ASPSCR1: variants seen among roughly 807,000 people sequenced by gnomAD.
ASPSCR1 encodes the protein tether containing UBX domain for GLUT4.
A neutral mutation model predicts 68.9 loss-of-function variants in ASPSCR1; 55 were observed. That is an observed-to-expected ratio of 0.80 (90% CI 0.64 to 1.00). The LOEUF is 1.00. Among genes scored for constraint, ASPSCR1 ranks in the 50% least tolerant of loss-of-function variants. ASPSCR1 has a pLI of 0.00. For synonymous variants in ASPSCR1, 352 were observed against 332.6 expected (o/e 1.06, Z -0.63); for missense variants, 765 against 762.2 (o/e 1.00, Z -0.04).
chr17:81,995,260 C>T (rs1433775513), intron 5 of ASPSCR1: 5 of 348,964 alleles, frequency 1.4e-5, no homozygotes, highest in South Asian at 9.4e-5. Flanking sequence ...TTTGTTTCCA[C>T]GCTGGCTGAG....
At chr17:82,013,506 G>C (rs2043021720) in intron 12 of ASPSCR1, 1 of 152,164 alleles carries the variant, frequency 6.6e-6, no homozygotes, top group Admixed American at 6.5e-5. Flanking sequence ...TGCCGTCAGA[G>C]AGCTGGCGGG....
chr17:82,013,670 G>C (rs879814474), intron 12 of ASPSCR1: 1 of 152,416 alleles, frequency 6.6e-6, no homozygotes, highest in Non-Finnish European at 1.5e-5. Flanking sequence ...GACAGCGTGC[G>C]TGGGTGTGGG....
rs1428348838 is a variant in ASPSCR1, at chr17:81,979,187, C to T, written c.106C>T (p.Leu36=). The change falls in exon 2 of 16, where the codon CTG becomes TTG. Residue 36 remains leucine (L), a synonymous_variant. Transcript: ENST00000306739. ...CATCCTTTCATCTCACCCCCAGGTTCTGGAGGACACGTGCCGGCGGCAGGA... is the reference window on the plus strand; with the variant it reads ...CATCCTTTCATCTCACCCCCAGGTTTTGGAGGACACGTGCCGGCGGCAGGA... ...VTPSTVLLQV[L]EDTCRRQDFN... The T allele has an allele frequency of 2.5e-6, 4 of 1,614,128 alleles. No homozygotes were observed. In the Admixed American group the frequency reaches 6.7e-5, roughly 27 times the overall value.
rs560077755 is a variant in ASPSCR1, at chr17:81,999,519, C to G, written c.933+2673C>G. Among the ~76,000 whole-genome samples, 2 of 151,372 alleles carry G rather than the reference C, an allele frequency of 1.3e-5. No homozygotes were observed. The highest frequency in any genetic ancestry group is 4.9e-5 in the African/African-American group (2 of 41,128). On this transcript the variant is annotated intron_variant, in intron 7 of 15. Coordinates refer to ENST00000306739, the MANE Select transcript of ASPSCR1 (RefSeq NM_024083.4). The surrounding 1 kb of genome is among the most constrained non-coding windows in gnomAD (Gnocchi z 4.4). The stretch of plus-strand genomic sequence containing the variant: ...GCAGGTGCCTGTAATCCCAGCTACT[C>G]GGGAGACTGAGGCAGGAGAATCTCT...
At chr17:81,995,248 C>A in intron 5 of ASPSCR1, 3 of 380,426 alleles carry the variant, frequency 7.9e-6, no homozygotes, top group African/African-American at 2.1e-5. Flanking sequence ...TCACAGGGGC[C>A]TTTTGTTTCC....
chr17:81,981,888 A>T (rs2041806533), intron 2 of ASPSCR1, among the ~76,000 whole-genome samples: 1 of 152,024 alleles, frequency 6.6e-6, no homozygotes, highest in Non-Finnish European at 1.5e-5. Flanking sequence ...CTGGTCTCAA[A>T]CTCCTGACCT....
rs1282375381 is a variant in ASPSCR1, at chr17:81,991,804, T to G, written c.375-3017T>G. On this transcript the variant is annotated intron_variant, in intron 4 of 15. Transcript: ENST00000306739. ...CTTCTGTTCCCGGCAGGGCGCATGCTGCTGCCTGGGCTCTCGTCAGCACCT... is the reference window on the plus strand; with the variant it reads ...CTTCTGTTCCCGGCAGGGCGCATGCGGCTGCCTGGGCTCTCGTCAGCACCT... 2.0e-5 allele frequency among the ~76,000 whole-genome samples: 3 copies of G among 152,266 alleles called. No individual in the cohort carries two copies. The East Asian group carries it at 5.8e-4, about 29-fold the overall frequency.
chr17:82,016,650 G>C lies in ASPSCR1; in HGVS notation c.1405+123G>C, dbSNP rs1456818036. ...TTTGGGTCTGAGAGGGAGATCTGCG[G>C]CCCCCAGTAACCACCTCCCCGAGAG... On this transcript the variant is annotated intron_variant, in intron 13 of 15. Transcript: ENST00000306739. The C allele has an allele frequency of 1.0e-5, 15 of 1,453,608 alleles. No homozygotes were observed. In the Admixed American group the frequency reaches 1.6e-4, roughly 15 times the overall value. The allele number at this position is 1,453,608 out of a possible 1,614,324, so 90.0% of individuals were successfully genotyped here.
intron 6 of ASPSCR1, 56 bp from the exon 7 acceptor site, chr17:81,996,364 G>A (rs2042338663): frequency 2.0e-6 from 3 of 1,528,160 alleles, no homozygotes; most frequent in Non-Finnish European, 2.6e-6. Flanking sequence ...GCCGGGAGAG[G>A]GTGAGCCGGG....
intron 4 of ASPSCR1, among the ~76,000 whole-genome samples, chr17:81,994,325 C>G (rs1248351955): frequency 6.6e-6 from 1 of 152,232 alleles, no homozygotes; most frequent in Non-Finnish European, 1.5e-5. Context: ...TCCCTCCATG[C>G]TTCGGTGACA....
rs183613928 is a variant in ASPSCR1, at chr17:81,992,972, G to A, written c.375-1849G>A. 2.5e-3 allele frequency among the ~76,000 whole-genome samples: 374 copies of A among 152,346 alleles called. 1 individual carries two copies. The highest frequency in any genetic ancestry group is 8.6e-3 in the African/African-American group (358 of 41,570). ...GGGGCTAAGTCCACGACCCTGTGGG[G>A]CCTCTGCAGCCAGACCAGGCTGTCA... On this transcript the variant is annotated intron_variant, in intron 4 of 15. Transcript: ENST00000306739.
intron 9 of ASPSCR1, among the ~76,000 whole-genome samples, chr17:82,010,444 G>A (rs2144091310): frequency 6.6e-6 from 1 of 151,442 alleles, no homozygotes; most frequent in East Asian, 2.0e-4. Flanking sequence ...CAGGAGAAAG[G>A]CGTGAACCCG....
intron 7 of ASPSCR1, chr17:82,004,307 G>C (rs1440597127): frequency 6.6e-6 from 1 of 151,246 alleles, no homozygotes; most frequent in African/African-American, 2.4e-5. Context: ...CCTTAGTCCT[G>C]CCCGTCCTTT....
intron 3 of ASPSCR1, among the ~76,000 whole-genome samples, chr17:81,985,144 C>G (rs138448677): frequency 6.7e-6 from 1 of 148,648 alleles, no homozygotes; most frequent in Non-Finnish European, 1.5e-5. Flanking sequence ...ACACGCACAT[C>G]TGCACGCACA....
In ASPSCR1 at chr17:81,996,235, C is replaced by A. The variant is rs536732020; in HGVS notation, c.506+170C>A. On this transcript the variant is annotated intron_variant, in intron 6 of 15. Coordinates refer to ENST00000306739, the MANE Select transcript of ASPSCR1 (RefSeq NM_024083.4). ...CCTGTGGGCGTGGGGGCTGGGCTGC[C>A]CCGACCTCATCTCTGTGTCCCCCAG... is the stretch of plus-strand genomic sequence containing the variant. Among the ~76,000 whole-genome samples the A allele has an allele frequency of 1.5e-4, 23 of 152,248 alleles. No homozygotes were observed. In the South Asian group the frequency reaches 4.6e-3, roughly 30 times the overall value.
At chr17:81,982,244 C>T (rs2041818985) in intron 2 of ASPSCR1, among the ~76,000 whole-genome samples, 1 of 152,258 alleles carries the variant, frequency 6.6e-6, no homozygotes, top group South Asian at 2.1e-4. Flanking sequence ...GCTGGGATTA[C>T]AGGCATGAGC....
intron 4 of ASPSCR1, among the ~76,000 whole-genome samples, chr17:81,988,981 A>T (rs1471016188): frequency 1.3e-5 from 2 of 151,796 alleles, no homozygotes; most frequent in Non-Finnish European, 2.9e-5. Context: ...GCTGAGGCAG[A>T]TGGATCACCT....
chr17:81,994,705 G>A, intron 4 of ASPSCR1, 116 bp from the exon 5 acceptor site: 2 of 1,062,726 alleles, frequency 1.9e-6, no homozygotes, highest in Admixed American at 1.8e-5. Flanking sequence ...GCTGTCCTGG[G>A]TGGGTGCTGG....
chr17:82,012,379 A>C lies in ASPSCR1; in HGVS notation c.1353+96A>C, dbSNP rs1430504248. The C allele has an allele frequency of 2.1e-6, 3 of 1,419,058 alleles. No homozygotes were observed. In the East Asian group the frequency reaches 6.8e-5, roughly 32 times the overall value. 87.9% of individuals were successfully genotyped at this position (1,419,058 alleles called of 1,614,324 possible). On this transcript the variant is annotated intron_variant, in intron 12 of 15. Transcript: ENST00000306739. Reference sequence around the variant, plus strand: ...CTCGGGCAGGAAGGAGGGGCCTGGCAGGCGCTGGGGCAGGATAATAAAGCC... The same window carrying C: ...CTCGGGCAGGAAGGAGGGGCCTGGCCGGCGCTGGGGCAGGATAATAAAGCC...
Sources: gnomAD v4.1 joint callset for allele counts (sites outside exome capture counted in the v4.1 genomes callset) on GRCh38, gnomAD v4.1.1 for gene constraint, Gnocchi (gnomAD v3.1) non-coding constraint, MANE v1.5 for transcripts, NCBI Gene and HGNC (gene_info 2026-07-23, HGNC 2026-07-21) for gene names.